The following CNTN1 variants were observed in gnomAD, a reference collection of about 807,000 sequenced individuals.
CNTN1 encodes contactin-1.
CNTN1 carries 38 observed loss-of-function variants against 126.4 expected under a neutral mutation model. The ratio of observed to expected loss-of-function variants is 0.30; its 90% CI spans 0.23 to 0.39. The LOEUF (loss-of-function observed/expected upper bound fraction) is 0.39. Ranked by LOEUF, CNTN1 falls within the 10% of genes least tolerant of loss-of-function variation. CNTN1 has a pLI of 1.00. For missense variants in CNTN1, 1,009 were observed against 1,248.4 expected, an observed-to-expected ratio of 0.81 and a Z score of 2.89; for synonymous variants, 413 against 422.6, an observed-to-expected ratio of 0.98 and a Z score of 0.28.
intron 17 of CNTN1, among the ~76,000 whole-genome samples, chr12:40,997,542 G>A (rs1394265282): frequency 1.3e-5 from 2 of 152,156 alleles, no homozygotes; most frequent in East Asian, 3.9e-4. Context: ...GGTACTATGT[G>A]ATGTTAGTTG....
intron 23 of CNTN1, among the ~76,000 whole-genome samples, chr12:41,062,250 C>A (rs1247049943): frequency 1.3e-5 from 2 of 152,112 alleles, no homozygotes; most frequent in African/African-American, 4.8e-5. Flanking sequence ...TGGTTTGAAG[C>A]CAATTCAGCT....
intron 1 of CNTN1, among the ~76,000 whole-genome samples, chr12:40,836,801 C>T (rs1942076385): frequency 6.6e-6 from 1 of 152,112 alleles, no homozygotes; most frequent in Admixed American, 6.6e-5. Flanking sequence ...TGAAAGGAAG[C>T]CAACTATGTG....
chr12:40,702,521 C>G (rs540899906), intron 1 of CNTN1, among the ~76,000 whole-genome samples: 1 of 151,978 alleles, frequency 6.6e-6, no homozygotes, highest in Non-Finnish European at 1.5e-5. Context: ...CTCGGCTCCC[C>G]GCAACCTCTG....
intron 17 of CNTN1, among the ~76,000 whole-genome samples, chr12:41,010,980 A>T (rs1948638077): frequency 6.6e-6 from 1 of 152,010 alleles, no homozygotes; most frequent in Non-Finnish European, 1.5e-5. Flanking sequence ...CATGTTGTTC[A>T]TCGCCAGAAT....
At chr12:41,062,760 G>C (rs1189205389) in intron 23 of CNTN1, among the ~76,000 whole-genome samples, 2 of 152,114 alleles carry the variant, frequency 1.3e-5, no homozygotes, top group African/African-American at 4.8e-5. Flanking sequence ...CAATAAAGTA[G>C]ATTTCAGTGT....
At chr12:40,906,623 G>A (rs564377171) in intron 1 of CNTN1, among the ~76,000 whole-genome samples, 17 of 150,064 alleles carry the variant, frequency 1.1e-4, no homozygotes, top group South Asian at 4.2e-4. Context: ...ATATTTATAC[G>A]TTGAACACTA....
chr12:40,729,955 T>TG (rs1257804518), intron 1 of CNTN1: 4 of 152,416 alleles, frequency 2.6e-5, no homozygotes, highest in African/African-American at 9.6e-5. Flanking sequence ...TATGCATTTT[T>TG]GGGGGAGTAG....
At chr12:40,747,305 A>ATATGTGTG (rs1938223436) in intron 1 of CNTN1, among the ~76,000 whole-genome samples, 1 of 148,250 alleles carries the variant, frequency 6.7e-6, no homozygotes, top group African/African-American at 2.5e-5. Flanking sequence ...TTGTGAAGGG[A>ATATGTGTG]TGTGTGTGTG....
intron 1 of CNTN1, among the ~76,000 whole-genome samples, chr12:40,796,513 G>C (rs182234699): frequency 6.6e-6 from 1 of 152,116 alleles, no homozygotes; most frequent in East Asian, 1.9e-4. Context: ...TCTATGCTTG[G>C]GTTAAAGTTC....
At chr12:40,890,334 C>T (rs764199831) in intron 1 of CNTN1, among the ~76,000 whole-genome samples, 2 of 152,090 alleles carry the variant, frequency 1.3e-5, no homozygotes, top group African/African-American at 2.4e-5. Flanking sequence ...TCGATGAACC[C>T]GCACTGATAC....
intron 3 of CNTN1, among the ~76,000 whole-genome samples, chr12:40,912,247 C>A (rs1275080857): frequency 2.0e-5 from 3 of 151,618 alleles, no homozygotes; most frequent in Admixed American, 1.3e-4. Flanking sequence ...TTTGTGAAAG[C>A]AATATTGTAT....
intron 1 of CNTN1, among the ~76,000 whole-genome samples, chr12:40,707,088 A>ACC (rs1941776573): frequency 7.8e-6 from 1 of 128,596 alleles, no homozygotes; most frequent in Non-Finnish European, 1.7e-5. Flanking sequence ...ACACACACAC[A>ACC]CCCCTGCTCA....
intron 1 of CNTN1, among the ~76,000 whole-genome samples, chr12:40,789,331 T>A (rs1940142891): frequency 6.6e-6 from 1 of 152,158 alleles, no homozygotes; most frequent in South Asian, 2.1e-4. Flanking sequence ...AAATAATGGG[T>A]TCCCTTCTTT....
At chr12:40,703,884 C>T (rs963377328) in intron 1 of CNTN1, among the ~76,000 whole-genome samples, 5 of 152,058 alleles carry the variant, frequency 3.3e-5, no homozygotes, top group South Asian at 2.1e-4. Context: ...TTAAGTGAGA[C>T]TTTCTCTTGC....
At chr12:40,938,491 G>A (rs766561970) in intron 11 of CNTN1, among the ~76,000 whole-genome samples, 1 of 152,096 alleles carries the variant, frequency 6.6e-6, no homozygotes, top group Non-Finnish European at 1.5e-5. Context: ...TACATGCTTT[G>A]GAAACAGAAG....
intron 1 of CNTN1, among the ~76,000 whole-genome samples, chr12:40,770,206 G>T (rs1939283533): frequency 6.6e-6 from 1 of 152,092 alleles, no homozygotes. Flanking sequence ...GAAAGAGGGG[G>T]TTCCTTGGAG....
At chr12:40,784,169 A>G (rs1462295462) in intron 1 of CNTN1, among the ~76,000 whole-genome samples, 2 of 152,160 alleles carry the variant, frequency 1.3e-5, no homozygotes, top group African/African-American at 4.8e-5. Context: ...AAAAGAAAAT[A>G]TAATTTCTGA....
At chr12:40,910,848 C>A (rs893844578) in intron 3 of CNTN1, among the ~76,000 whole-genome samples, 1 of 151,922 alleles carries the variant, frequency 6.6e-6, no homozygotes, top group Non-Finnish European at 1.5e-5. Flanking sequence ...TAGTAACTTA[C>A]AAAAGCCATT....
At chr12:40,707,474 G>T (rs934297838) in intron 1 of CNTN1, among the ~76,000 whole-genome samples, 6 of 151,700 alleles carry the variant, frequency 4.0e-5, no homozygotes, top group African/African-American at 1.5e-4. Context: ...GGATGGTCTC[G>T]ATCTCCTGAC....
Sources: gnomAD v4.1 joint callset for allele counts (sites outside exome capture counted in the v4.1 genomes callset) on GRCh38, gnomAD v4.1.1 for gene constraint, MANE v1.5 for transcripts, NCBI Gene and HGNC (gene_info 2026-07-23, HGNC 2026-07-21) for gene names.